ADAMTS20: variants seen among roughly 807,000 people sequenced by gnomAD.
The protein encoded by ADAMTS20 is A disintegrin and metalloproteinase with thrombospondin motifs 20.
A neutral mutation model predicts 260.1 loss-of-function variants in ADAMTS20; 225 were observed. That is an observed-to-expected ratio of 0.87 (90% CI 0.78 to 0.97). The LOEUF is 0.97. Among genes scored for constraint, ADAMTS20 ranks in the 50% least tolerant of loss-of-function variants. The probability of loss-of-function intolerance (pLI) is 0.00; values close to 1 mark genes in which losing one functional copy is unlikely to be tolerated. For synonymous variants in ADAMTS20, 802 were observed against 769.5 expected, an observed-to-expected ratio of 1.04 and a Z score of -0.70; for missense variants, 2,400 against 2,337.7, an observed-to-expected ratio of 1.03 and a Z score of -0.55.
intron 8 of ADAMTS20, 117 bp from the exon 9 acceptor site, chr12:43,466,912 C>A (rs1942164909): frequency 1.3e-6 from 1 of 787,868 alleles, no homozygotes; most frequent in Non-Finnish European, 1.9e-6. Context: ...CTGGTTATAT[C>A]ATAATTTGAA....
rs538676009 is a variant in ADAMTS20, at chr12:43,535,675, A to G, written c.454-3480T>C. Among the ~76,000 whole-genome samples the G allele has an allele frequency of 1.4e-4, 21 of 152,336 alleles. No individual in the cohort carries two copies. The East Asian group carries it at 3.9e-3, about 28-fold the overall frequency. The stretch of plus-strand genomic sequence containing the variant: ...ATTAGATCATATTATTTAAGGTGCT[A>G]ATAAAAGATACATAACTTTTTTTAA... On this transcript the variant is annotated intron_variant, in intron 2 of 38. Transcript: ENST00000389420.
chr12:43,427,360 T>G lies in ADAMTS20; in HGVS notation c.4055A>C (p.Gln1352Pro), dbSNP rs1203304043. Residue 1352 changes from glutamine to proline, a missense_variant, in exon 27 of 39, where the codon CAG (glutamine) becomes CCG (proline). By Grantham distance (76) the Gln-to-Pro change is moderately conservative. Coordinates refer to ENST00000389420, the MANE Select transcript of ADAMTS20 (RefSeq NM_025003.5). Reference protein sequence around the residue: ...CDAASKPPELQQCGPGPCPQW... With the variant: ...CDAASKPPELPQCGPGPCPQW... ...TGGACAAGGCCCTGGACCACATTGC[T>G]GTAACTCTGGAGGCTTGGAGGCTGC... 8 of 1,613,846 alleles carry G rather than the reference T, an allele frequency of 5.0e-6. No homozygotes were observed. In the African/African-American group the frequency reaches 9.3e-5, roughly 19 times the overall value.
chr12:43,517,084 C>T (rs1424067411), intron 3 of ADAMTS20, among the ~76,000 whole-genome samples: 1 of 151,826 alleles, frequency 6.6e-6, no homozygotes, highest in Non-Finnish European at 1.5e-5. Context: ...TAAAGGGTAC[C>T]TAAGAAAAAC....
At chr12:43,488,995 C>T (rs183771447) in intron 7 of ADAMTS20, among the ~76,000 whole-genome samples, 4 of 152,062 alleles carry the variant, frequency 2.6e-5, no homozygotes, top group Admixed American at 6.6e-5. Flanking sequence ...AGTTATTGTA[C>T]GTGCAATGTA....
At position 43,442,419 on chromosome 12, in the gene ADAMTS20, G is replaced by A. The variant is rs567729292; in HGVS notation, c.2290+1372C>T. On this transcript the variant is annotated intron_variant, in intron 16 of 38. Coordinates refer to ENST00000389420, the MANE Select transcript of ADAMTS20 (RefSeq NM_025003.5). ...ATTACAGGCATGCGCCACCATGTCC[G>A]GCTAATTTTTGTATTTTTAGTAGAC... Among the ~76,000 whole-genome samples the A allele has an allele frequency of 1.4e-4, 21 of 151,858 alleles. No homozygotes were observed. In the East Asian group the frequency reaches 3.1e-3, roughly 22 times the overall value.
chr12:43,419,739 A>AACACACAC (rs147586045), intron 28 of ADAMTS20, among the ~76,000 whole-genome samples: 1 of 148,812 alleles, frequency 6.7e-6, no homozygotes, highest in Non-Finnish European at 1.5e-5. Context: ...CACACACACA[A>AACACACAC]ACACACACAC....
At chr12:43,481,265 G>A (rs1358254074) in intron 7 of ADAMTS20, among the ~76,000 whole-genome samples, 6 of 151,962 alleles carry the variant, frequency 3.9e-5, no homozygotes, top group African/African-American at 1.5e-4. Context: ...AGGCCTAAAT[G>A]GGTTAAGATG....
intron 31 of ADAMTS20, among the ~76,000 whole-genome samples, chr12:43,383,242 TC>T (rs1419503362): frequency 6.6e-6 from 1 of 152,210 alleles, no homozygotes; most frequent in African/African-American, 2.4e-5. Context: ...AGTTTATGGT[TC>T]ATCAATTACA....
intron 11 of ADAMTS20, among the ~76,000 whole-genome samples, chr12:43,454,469 C>T (rs1306682068): frequency 6.6e-6 from 1 of 152,162 alleles, no homozygotes; most frequent in African/African-American, 2.4e-5. Context: ...TCTCAAATGA[C>T]AACCTTGTTC....
At chr12:43,398,329 C>T (rs1940743754) in intron 29 of ADAMTS20, among the ~76,000 whole-genome samples, 1 of 152,166 alleles carries the variant, frequency 6.6e-6, no homozygotes. Context: ...ATTTTGATCT[C>T]TTTCCTCTGA....
chr12:43,497,445 GACAA>G (rs1473766293), intron 4 of ADAMTS20, among the ~76,000 whole-genome samples: 1 of 151,994 alleles, frequency 6.6e-6, no homozygotes. Context: ...AACTGATTTT[GACAA>G]ACAAATTTTG....
chr12:43,357,673 C>T (rs543143577), intron 37 of ADAMTS20, among the ~76,000 whole-genome samples: 3 of 152,186 alleles, frequency 2.0e-5, no homozygotes, highest in East Asian at 3.9e-4. Flanking sequence ...GTATCACATA[C>T]AACATCACTT....
Position 43,453,945 on chromosome 12 carries a change from G to A in ADAMTS20, c.1722C>T (p.Gly574=), listed in dbSNP as rs139672451. 2.9e-3 allele frequency: 4,641 copies of A among 1,611,422 alleles called. 157 individuals carry two copies. In the South Asian group the frequency reaches 0.046, roughly 16 times the overall value. ...PYSSCSRTCG[G]GIESATRRCN... is the part of the protein sequence containing the mutation. ...AGCGCCTGGTTGCACTTTCGATTCC[G>A]CCTCCACATGTTCTTGAACAAGAAC... Residue 574 remains glycine, a synonymous_variant, in exon 12 of 39, where the codon GGC becomes GGT. Coordinates refer to ENST00000389420, the MANE Select transcript of ADAMTS20 (RefSeq NM_025003.5).
intron 28 of ADAMTS20, among the ~76,000 whole-genome samples, chr12:43,416,327 GAC>G (rs1192885805): frequency 6.7e-6 from 1 of 149,384 alleles, no homozygotes; most frequent in Non-Finnish European, 1.5e-5. Context: ...ATCTTCTCAA[GAC>G]ACAGTTTTGA....
chr12:43,504,225 AT>A (rs537478476), intron 3 of ADAMTS20, among the ~76,000 whole-genome samples: 4 of 151,712 alleles, frequency 2.6e-5, no homozygotes, highest in Non-Finnish European at 5.9e-5. Context: ...AGCATCTATT[AT>A]TTTTTTTATT....
At chr12:43,362,459 C>G (rs1159279291) in intron 37 of ADAMTS20, among the ~76,000 whole-genome samples, 2 of 152,046 alleles carry the variant, frequency 1.3e-5, no homozygotes, top group African/African-American at 2.4e-5. Context: ...TAGGGCTAAC[C>G]AGCCTCAAAG....
intron 29 of ADAMTS20, among the ~76,000 whole-genome samples, chr12:43,388,669 C>T (rs1188501071): frequency 6.6e-6 from 1 of 152,194 alleles, no homozygotes; most frequent in Non-Finnish European, 1.5e-5. Context: ...AAAAGCGGTA[C>T]TATGGCTGAG....
rs1175144359 is a variant in ADAMTS20 at position 43,434,357 on chromosome 12, T to C, written c.2608A>G (p.Asn870Asp). 2.5e-6 allele frequency: 4 copies of C among 1,584,652 alleles called. No individual in the cohort carries two copies. Among genetic ancestry groups the C allele is most frequent in the Non-Finnish European group, 1.7e-6 (2 of 1,164,962 alleles). ...TKMCQGLQRR[N>D]ITCIHKSDHS... ...TCACTCTTATGTATGCAAGTTATGTTTCTTCGCTGAAGACCTTGGCCAAAG... is the reference window on the plus strand; with the variant it reads ...TCACTCTTATGTATGCAAGTTATGTCTCTTCGCTGAAGACCTTGGCCAAAG... The change falls in exon 19 of 39, where the codon AAC becomes GAC. Residue 870 changes from asparagine (N) to aspartate (D), a missense_variant. By Grantham distance (23) the Asn-to-Asp change is conservative (BLOSUM62 1). Coordinates refer to ENST00000389420, the MANE Select transcript of ADAMTS20 (RefSeq NM_025003.5).
rs374434996 is a variant in ADAMTS20 at position 43,368,469 on chromosome 12, T to C, written c.5538+821A>G. Reference sequence around the variant, plus strand: ...CCTTTAAGTTCTCTAACAGAAAATGTCCTCTCTTCCTAATATAAGCGTAAC... The same window carrying C: ...CCTTTAAGTTCTCTAACAGAAAATGCCCTCTCTTCCTAATATAAGCGTAAC... On this transcript the variant is annotated intron_variant, in intron 37 of 38. Coordinates refer to ENST00000389420, the MANE Select transcript of ADAMTS20 (RefSeq NM_025003.5). 1.4e-4 allele frequency among the ~76,000 whole-genome samples: 21 copies of C among 152,202 alleles called. No homozygotes were observed. In the East Asian group the frequency reaches 1.9e-3, roughly 14 times the overall value.
Sources: gnomAD v4.1 joint callset for allele counts (sites outside exome capture counted in the v4.1 genomes callset) on GRCh38, gnomAD v4.1.1 for gene constraint, MANE v1.5 for transcripts, NCBI Gene and HGNC (gene_info 2026-07-23, HGNC 2026-07-21) for gene names.